SSH2: variants seen among roughly 807,000 people sequenced by gnomAD.
SSH2 encodes protein phosphatase Slingshot homolog 2.
SSH2 carries 37 observed loss-of-function variants against 135.2 expected under a neutral mutation model. The ratio of observed to expected loss-of-function variants is 0.27; its 90% CI spans 0.21 to 0.36. The LOEUF (loss-of-function observed/expected upper bound fraction) is 0.36, where lower values mean the gene tolerates loss of function less well. SSH2 is among the 10% of genes least tolerant of loss of function. The pLI, the probability that SSH2 is intolerant of heterozygous loss-of-function variation, is 1.00. For synonymous variants in SSH2, 628 were observed against 646.2 expected, an observed-to-expected ratio of 0.97 and a Z score of 0.43; for missense variants, 1,408 against 1,765.3, an observed-to-expected ratio of 0.80 and a Z score of 3.63.
At chr17:29,645,217 G>A (rs897660455) in intron 14 of SSH2, 3 of 152,112 alleles carry the variant, frequency 2.0e-5, no homozygotes, top group African/African-American at 7.2e-5. Flanking sequence ...TTTTATAGAT[G>A]GGGTCAGGTA....
At chr17:29,860,890 C>T (rs146653539) in intron 1 of SSH2, among the ~76,000 whole-genome samples, 34 of 151,738 alleles carry the variant, frequency 2.2e-4, no homozygotes, top group South Asian at 1.5e-3. Context: ...GGATTACAAG[C>T]GTGTGCCATG....
At chr17:29,765,605 T>A (rs2041425338) in intron 3 of SSH2, among the ~76,000 whole-genome samples, 1 of 152,192 alleles carries the variant, frequency 6.6e-6, no homozygotes, top group Non-Finnish European at 1.5e-5. Context: ...GTGGCAATGA[T>A]GCTGATATCA....
chr17:29,751,680 T>A (rs1456608287), intron 3 of SSH2, among the ~76,000 whole-genome samples: 1 of 152,206 alleles, frequency 6.6e-6, no homozygotes. Flanking sequence ...TATAATCTTA[T>A]GGGACCACTT....
At position 29,707,661 on chromosome 17, in the gene SSH2, G is replaced by A. The variant is rs114762634; in HGVS notation, c.189-4599C>T. ...GTGCCTCAGCCTCGCGAACAGCTGG[G>A]ACTATGGGCATACGTCACCATACCT... On this transcript the variant is annotated intron_variant, in intron 3 of 15. Transcript: ENST00000540801. Among the ~76,000 whole-genome samples the A allele has an allele frequency of 7.3e-3, 1,106 of 152,058 alleles. 19 individuals carry two copies. The highest frequency in any genetic ancestry group is 0.025 in the African/African-American group (1,052 of 41,470).
Position 29,684,440 on chromosome 17 carries a change from GCACT to G in SSH2, c.479+119_479+122del, listed in dbSNP as rs2038119302. The G allele has an allele frequency of 8.8e-6, 8 of 911,050 alleles. No homozygotes were observed. The East Asian group carries it at 2.0e-4, about 23-fold the overall frequency. 56.4% of individuals were successfully genotyped at this position (911,050 alleles called of 1,614,324 possible). On this transcript the variant is annotated intron_variant, in intron 6 of 15. Coordinates refer to ENST00000540801, the MANE Select transcript of SSH2 (RefSeq NM_001282129.2). ...TGCAGTGAGCCGAGATTGAGCCACT[GCACT>G]CTAGTCTGGGCAACAGAGTGATGAC...
At chr17:29,696,489 G>A (rs1279432407) in intron 4 of SSH2, among the ~76,000 whole-genome samples, 2 of 144,580 alleles carry the variant, frequency 1.4e-5, no homozygotes, top group African/African-American at 5.1e-5. Flanking sequence ...CAGTGTGGGC[G>A]ACAGAGCGAG....
intron 1 of SSH2, among the ~76,000 whole-genome samples, chr17:29,912,302 AAGTT>A (rs1478824189): frequency 6.6e-6 from 1 of 152,234 alleles, no homozygotes; most frequent in Non-Finnish European, 1.5e-5. Flanking sequence ...TTGCTGAGCT[AAGTT>A]AGTCCTAGAC....
chr17:29,822,725 A>G (rs1277559274), intron 2 of SSH2, among the ~76,000 whole-genome samples: 7 of 152,140 alleles, frequency 4.6e-5, no homozygotes, highest in Admixed American at 4.6e-4. Flanking sequence ...CTATTTCCAC[A>G]AAAGCAACTT....
chr17:29,777,924 T>A (rs1288409552), intron 3 of SSH2, among the ~76,000 whole-genome samples: 2 of 151,906 alleles, frequency 1.3e-5, no homozygotes, highest in Non-Finnish European at 2.9e-5. Flanking sequence ...TCCTCTCAAC[T>A]GTTCCTCAAG....
At chr17:29,806,470 C>T (rs993285605) in intron 2 of SSH2, among the ~76,000 whole-genome samples, 1 of 152,188 alleles carries the variant, frequency 6.6e-6, no homozygotes, top group Non-Finnish European at 1.5e-5. Context: ...TTCCAGATCC[C>T]ACTTTCTGAA....
intron 4 of SSH2, among the ~76,000 whole-genome samples, chr17:29,702,570 G>A (rs565384880): frequency 4.6e-4 from 70 of 152,264 alleles, no homozygotes; most frequent in African/African-American, 1.6e-3. Flanking sequence ...CAAGAGGATC[G>A]CTTGAACCCA....
intron 1 of SSH2, among the ~76,000 whole-genome samples, chr17:29,851,115 T>C (rs2065549072): frequency 6.6e-6 from 1 of 152,210 alleles, no homozygotes; most frequent in Non-Finnish European, 1.5e-5. Flanking sequence ...TTAAAAAATA[T>C]ATAAAATATT....
chr17:29,772,322 T>C (rs1399714398), intron 3 of SSH2, among the ~76,000 whole-genome samples: 1 of 150,646 alleles, frequency 6.6e-6, no homozygotes, highest in African/African-American at 2.4e-5. Flanking sequence ...CTCGGCTCAC[T>C]GCAAGCTCCA....
chr17:29,711,979 TGAC>T (rs1245845156), intron 3 of SSH2, among the ~76,000 whole-genome samples: 1 of 152,228 alleles, frequency 6.6e-6, no homozygotes, highest in African/African-American at 2.4e-5. Flanking sequence ...GAGGAGGTCC[TGAC>T]GACATGTTCC....
intron 2 of SSH2, among the ~76,000 whole-genome samples, chr17:29,807,737 C>G (rs2042370573): frequency 6.6e-6 from 1 of 151,562 alleles, no homozygotes; most frequent in Non-Finnish European, 1.5e-5. Context: ...CAAAGATAAG[C>G]TGCAGGAGAC....
At chr17:29,738,550 A>C (rs551764363) in intron 3 of SSH2, among the ~76,000 whole-genome samples, 287 of 137,438 alleles carry the variant, frequency 2.1e-3, no homozygotes, top group Middle Eastern at 7.7e-3. Context: ...TTTCTTTTTT[A>C]TTTTATTTTA....
At chr17:29,787,339 G>C (rs1339430273) in intron 3 of SSH2, 2 of 152,170 alleles carry the variant, frequency 1.3e-5, no homozygotes, top group Non-Finnish European at 2.9e-5. Flanking sequence ...ATATTCCACT[G>C]TACATATAAT....
chr17:29,712,429 T>C lies in SSH2; in HGVS notation c.189-9367A>G, dbSNP rs144973962. Among the ~76,000 whole-genome samples the C allele has an allele frequency of 8.4e-3, 1,287 of 152,358 alleles. 14 individuals are homozygous for C. Among genetic ancestry groups the C allele is most frequent in the African/African-American group, 0.026 (1,085 of 41,584 alleles). On this transcript the variant is annotated intron_variant, in intron 3 of 15. Transcript: ENST00000540801. ...TTGAGATTTATTTTCCTTTCATATGTCTGTTCTCTAAGTTTGGTCCTCTAG... is the reference window on the plus strand; with the variant it reads ...TTGAGATTTATTTTCCTTTCATATGCCTGTTCTCTAAGTTTGGTCCTCTAG...
At chr17:29,864,697 G>A (rs1599112167) in intron 1 of SSH2, among the ~76,000 whole-genome samples, 1 of 149,620 alleles carries the variant, frequency 6.7e-6, no homozygotes, top group Non-Finnish European at 1.5e-5. Context: ...AGTTTTGTTT[G>A]TTTTTTGTTT....
Sources: gnomAD v4.1 joint callset for allele counts (sites outside exome capture counted in the v4.1 genomes callset) on GRCh38, gnomAD v4.1.1 for gene constraint, MANE v1.5 for transcripts, NCBI Gene and HGNC (gene_info 2026-07-23, HGNC 2026-07-21) for gene names.